Variants in SLC7A9 observed in about 807,000 individuals in gnomAD.
The protein encoded by SLC7A9 is B(0,+)-type amino acid transporter 1.
A neutral mutation model predicts 54.1 loss-of-function variants in SLC7A9; 38 were observed. The observed-to-expected ratio is 0.70, with a 90% CI of 0.54 to 0.92. SLC7A9 has a LOEUF of 0.92. SLC7A9 is among the 40% of genes least tolerant of loss of function. SLC7A9 has a pLI of 0.00. For synonymous variants in SLC7A9, 264 were observed against 258.9 expected (o/e 1.02, Z -0.19); for missense variants, 537 against 636.1 (o/e 0.84, Z 1.68).
intron 9 of SLC7A9, among the ~76,000 whole-genome samples, chr19:32,848,805 G>C (rs1189947373): frequency 6.6e-6 from 1 of 152,094 alleles, no homozygotes; most frequent in Non-Finnish European, 1.5e-5. Context: ...CTCAGCAAAT[G>C]TAAAAGGACA....
At chr19:32,864,433 A>G in intron 3 of SLC7A9, 95 bp from the exon 4 acceptor site, 1 of 1,577,262 alleles carries the variant, frequency 6.3e-7, no homozygotes, top group Non-Finnish European at 8.6e-7. Flanking sequence ...GCTCGTATGG[A>G]GGGGCCCACC....
At chr19:32,841,564 G>GA (rs909807096) in intron 11 of SLC7A9, among the ~76,000 whole-genome samples, 22 of 150,002 alleles carry the variant, frequency 1.5e-4, no homozygotes, top group South Asian at 2.1e-4. Flanking sequence ...TGTCTCCAAA[G>GA]AAAAAAAAAT....
intron 9 of SLC7A9, among the ~76,000 whole-genome samples, chr19:32,852,067 C>T (rs1968485489): frequency 1.3e-5 from 2 of 151,898 alleles, no homozygotes; most frequent in Admixed American, 6.6e-5. Flanking sequence ...ATATACCTAA[C>T]GTTAAAATGA....
At position 32,830,542 on chromosome 19, in the gene SLC7A9, G is replaced by GA; in HGVS notation, c.*77dup. 2 of 1,114,548 alleles carry GA rather than the reference G, an allele frequency of 1.8e-6. No homozygotes were observed. Among genetic ancestry groups the GA allele is most frequent in the South Asian group, 1.2e-5 (1 of 80,730 alleles). 69.0% of individuals were successfully genotyped at this position (1,114,548 alleles called of 1,614,324 possible). ...ACATCTGAGTATATTTTATTCGTAA[G>GA]AAAAAAAGGAAGAAATAACCACAAA... On this transcript the variant is annotated 3_prime_UTR_variant, in exon 13 of 13. Coordinates refer to ENST00000023064, the MANE Select transcript of SLC7A9 (RefSeq NM_014270.5).
chr19:32,867,981 C>T (rs141527750), intron 2 of SLC7A9, among the ~76,000 whole-genome samples: 5 of 140,792 alleles, frequency 3.6e-5, no homozygotes, highest in East Asian at 4.3e-4. Flanking sequence ...CAGTGGCACA[C>T]GCCTGTAATC....
chr19:32,858,162 T>C (rs973080272), intron 9 of SLC7A9, among the ~76,000 whole-genome samples: 1 of 152,188 alleles, frequency 6.6e-6, no homozygotes, highest in Non-Finnish European at 1.5e-5. Context: ...CATGGGCAGC[T>C]TCCCCCCCAT....
intron 2 of SLC7A9, among the ~76,000 whole-genome samples, chr19:32,866,555 G>C (rs1052621421): frequency 1.3e-5 from 2 of 152,192 alleles, no homozygotes; most frequent in African/African-American, 4.8e-5. Context: ...CTCCCAAAGT[G>C]CTAAGGTTAC....
chr19:32,867,907 G>A (rs1424408619), intron 2 of SLC7A9, among the ~76,000 whole-genome samples: 1 of 144,382 alleles, frequency 6.9e-6, no homozygotes, highest in Non-Finnish European at 1.5e-5. Context: ...TCCAGCCTGG[G>A]TGACAGAGCA....
rs772005416 is a variant in SLC7A9 at position 32,855,509 on chromosome 19, C to CT, written c.977+2930_977+2931insA. ...GGTCAGGAGATCAAGACCATCCTGG[C>CT]AAACACGGTGAAACCCCATCTCTAC... On this transcript the variant is annotated intron_variant, in intron 9 of 12. Transcript: ENST00000023064. Among the ~76,000 whole-genome samples, 841 of 152,218 alleles carry CT rather than the reference C, an allele frequency of 5.5e-3. 4 individuals carry two copies. Among genetic ancestry groups the CT allele is most frequent in the Middle Eastern group, 0.024 (7 of 294 alleles).
intron 2 of SLC7A9, 84 bp downstream of exon 2, chr19:32,868,364 G>T: frequency 1.1e-6 from 1 of 941,692 alleles, no homozygotes; most frequent in Non-Finnish European, 1.8e-6. Context: ...ACTAGGGATC[G>T]GCCCGGATTT....
chr19:32,864,219 C>A lies in SLC7A9; in HGVS notation c.355G>T (p.Val119Phe). ...AYLFSWASLIVIKPTSFAIIC... is the reference protein window; with the variant it reads ...AYLFSWASLIFIKPTSFAIIC... ...ATGGCGAAGGACGTGGGCTTAATGACGATCAGGCTGGCCCAGGAGAAGAGG... is the reference window on the plus strand; with the variant it reads ...ATGGCGAAGGACGTGGGCTTAATGAAGATCAGGCTGGCCCAGGAGAAGAGG... Residue 119 changes from valine to phenylalanine, a missense_variant, in exon 4 of 13, where the codon GTC (valine) becomes TTC (phenylalanine). Transcript: ENST00000023064. 6.2e-7 allele frequency: 1 copy of A among 1,614,194 alleles called. No individual in the cohort carries two copies. Among genetic ancestry groups the A allele is most frequent in the Non-Finnish European group, 8.5e-7 (1 of 1,180,022 alleles).
intron 3 of SLC7A9, 41 bp from the exon 4 acceptor site, chr19:32,864,379 G>A: frequency 6.2e-7 from 1 of 1,611,888 alleles, no homozygotes; most frequent in African/African-American, 1.3e-5. Context: ...CCCTTGTGAG[G>A]CACTGCCCCG....
rs1230761266 is a variant in SLC7A9 at position 32,835,889 on chromosome 19, CTGTGTGTGTGTGTGTGTGTGTATG to C, written c.1225-2590_1225-2567del. On this transcript the variant is annotated intron_variant, in intron 11 of 12. Coordinates refer to ENST00000023064, the MANE Select transcript of SLC7A9 (RefSeq NM_014270.5). ...ACTGCTATTTCTAGGAATTTATGTA[CTGTGTGTGTGTGTGTGTGTGTATG>C]TGTGTGTGTGTGTGTGTGTGTGTCC... is the stretch of plus-strand genomic sequence containing the variant. Among the ~76,000 whole-genome samples the C allele has an allele frequency of 4.7e-4, 66 of 140,860 alleles. 1 individual carries two copies. Among genetic ancestry groups the C allele is most frequent in the Middle Eastern group, 3.6e-3 (1 of 276 alleles). The allele number at this position is 140,860 out of a possible 152,430, so 92.4% of individuals were successfully genotyped here. A position where few individuals can be genotyped will look rare whatever the true frequency, so the allele number is the denominator to read the frequency against.
intron 9 of SLC7A9, among the ~76,000 whole-genome samples, chr19:32,856,998 A>T (rs1031389481): frequency 6.6e-6 from 1 of 152,072 alleles, no homozygotes; most frequent in Non-Finnish European, 1.5e-5. Context: ...TAAAAATACA[A>T]AAATTAGCCA....
intron 2 of SLC7A9, among the ~76,000 whole-genome samples, chr19:32,865,943 A>G (rs1312263484): frequency 8.1e-6 from 1 of 123,718 alleles, no homozygotes; most frequent in Non-Finnish European, 1.7e-5. Context: ...AGCCTGGGTG[A>G]CAGTGAGACT....
intron 9 of SLC7A9, among the ~76,000 whole-genome samples, chr19:32,852,096 A>G (rs976515591): frequency 6.6e-6 from 1 of 152,114 alleles, no homozygotes; most frequent in Non-Finnish European, 1.5e-5. Flanking sequence ...TGGGTGCAGC[A>G]CACCAACATG....
chr19:32,858,874 T>C (rs1179406414), intron 8 of SLC7A9, among the ~76,000 whole-genome samples: 2 of 149,962 alleles, frequency 1.3e-5, no homozygotes, highest in Non-Finnish European at 3.0e-5. Flanking sequence ...CTGCAACCTC[T>C]GCCTCCCAGG....
chr19:32,850,329 C>T (rs1004691037), intron 9 of SLC7A9, among the ~76,000 whole-genome samples: 6 of 149,258 alleles, frequency 4.0e-5, no homozygotes, highest in Non-Finnish European at 8.9e-5. Flanking sequence ...GCAACTTCAG[C>T]AAAGTCTCAG....
intron 9 of SLC7A9, among the ~76,000 whole-genome samples, chr19:32,850,867 C>G (rs1019157049): frequency 1.3e-5 from 2 of 152,136 alleles, no homozygotes; most frequent in African/African-American, 4.8e-5. Flanking sequence ...AGAAATAATG[C>G]TGCATATCTA....
Sources: allele counts gnomAD v4.1 joint callset (sites outside exome capture counted in the v4.1 genomes callset), GRCh38; gene constraint gnomAD v4.1.1; transcripts MANE v1.5; gene names NCBI Gene and HGNC (gene_info 2026-07-23, HGNC 2026-07-21).